The following BANP variants were observed in gnomAD, a reference collection of about 807,000 sequenced individuals.
BANP encodes BTG3 associated nuclear protein.
BANP carries 11 observed loss-of-function variants against 68.1 expected under a neutral mutation model. The ratio of observed to expected loss-of-function variants is 0.16; its 90% confidence interval spans 0.10 to 0.27. The LOEUF (loss-of-function observed/expected upper bound fraction) is 0.27, where lower values mean the gene tolerates loss of function less well. Ranked by LOEUF, BANP falls within the 10% of genes least tolerant of loss-of-function variation. BANP has a pLI of 1.00. For synonymous variants in BANP, 329 were observed against 303.2 expected, an observed-to-expected ratio of 1.09 and a Z score of -0.88; for missense variants, 504 against 722.7, an observed-to-expected ratio of 0.70 and a Z score of 3.47.
At chr16:87,963,946 T>C (rs1291420144) in intron 1 of BANP, among the ~76,000 whole-genome samples, 1 of 152,200 alleles carries the variant, frequency 6.6e-6, no homozygotes, top group Non-Finnish European at 1.5e-5. Flanking sequence ...ATTTTTGAAA[T>C]AGTAATAGCA....
intron 11 of BANP, among the ~76,000 whole-genome samples, chr16:88,060,743 G>C (rs1381486295): frequency 6.6e-6 from 1 of 152,112 alleles, no homozygotes; most frequent in Admixed American, 6.5e-5. Flanking sequence ...CGGGCTCCCC[G>C]ACCTGCCCTT....
upstream of BANP, chr16:87,950,769 G>A (rs189879651): frequency 6.6e-6 from 1 of 152,238 alleles, no homozygotes; most frequent in Non-Finnish European, 1.5e-5. Context: ...GTTACCTATA[G>A]GACTTATCTA....
chr16:88,070,903 C>T (rs1463318651), intron 12 of BANP, among the ~76,000 whole-genome samples: 1 of 152,252 alleles, frequency 6.6e-6, no homozygotes, highest in African/African-American at 2.4e-5. Flanking sequence ...AAAGGCTTGT[C>T]TTCTAGCATT....
At chr16:88,026,134 C>A (rs2076938985) in intron 7 of BANP, among the ~76,000 whole-genome samples, 1 of 152,228 alleles carries the variant, frequency 6.6e-6, no homozygotes, top group South Asian at 2.1e-4. Flanking sequence ...GTGCTGAGAG[C>A]TCTCCGTAGC....
intron 6 of BANP, among the ~76,000 whole-genome samples, chr16:88,011,635 G>T (rs1187887835): frequency 6.6e-6 from 1 of 152,184 alleles, no homozygotes. Flanking sequence ...TGAGGTCTCT[G>T]TAATGTGTAG....
chr16:87,958,834 T>C (rs1000048018), intron 1 of BANP, among the ~76,000 whole-genome samples: 1 of 152,142 alleles, frequency 6.6e-6, no homozygotes, highest in Non-Finnish European at 1.5e-5. Context: ...CAGTAGAAAA[T>C]CCACCAGTGA....
chr16:88,013,404 G>T (rs913699884), intron 6 of BANP, among the ~76,000 whole-genome samples: 4 of 152,036 alleles, frequency 2.6e-5, no homozygotes, highest in Non-Finnish European at 5.9e-5. Flanking sequence ...TTCCTAGACC[G>T]CTGCCCGCAC....
chr16:88,075,087 T>C (rs1599190535), intron 13 of BANP, among the ~76,000 whole-genome samples: 1 of 152,162 alleles, frequency 6.6e-6, no homozygotes, highest in South Asian at 2.1e-4. Context: ...AGCTCACGCC[T>C]GTAATCCCAG....
chr16:87,975,317 C>G (rs2061815116), intron 2 of BANP, 132 bp downstream of exon 2: 1 of 909,184 alleles, frequency 1.1e-6, no homozygotes, highest in South Asian at 1.5e-5. Flanking sequence ...AGTTTGAATC[C>G]TAGAGATGTG....
rs1567767506 is a variant in BANP at position 88,018,630 on chromosome 16, G to A, written c.858G>A (p.Lys286=). ...TCTCGGGGCAGGGCAAGCACGGGAA[G>A]AAGCAGCTGGACCCGCTCACCATCT... The part of the protein sequence containing the change: ...SNLSGQGKHG[K]KQLDPLTIYG... Residue 286 remains lysine, a synonymous_variant, in exon 7 of 14, where the codon AAG becomes AAA. Transcript: ENST00000682872. This position sits in a 1 kb window ranked among gnomAD's most constrained non-coding sequence, Gnocchi z 7.7. The A allele has an allele frequency of 1.3e-5, 20 of 1,573,194 alleles. No individual in the cohort carries two copies. The highest frequency in any genetic ancestry group is 1.9e-5 in the Admixed American group (1 of 53,698).
At chr16:88,040,969 G>A (rs1404252923) in intron 11 of BANP, among the ~76,000 whole-genome samples, 1 of 152,252 alleles carries the variant, frequency 6.6e-6, no homozygotes, top group Non-Finnish European at 1.5e-5. Flanking sequence ...GAATCTGACA[G>A]AGCAGCTAGA....
chr16:88,012,097 G>A (rs540939334), intron 6 of BANP, among the ~76,000 whole-genome samples: 10 of 152,294 alleles, frequency 6.6e-5, no homozygotes, highest in Admixed American at 5.2e-4. Context: ...TGTCTCATGC[G>A]TTCCACATAG....
chr16:88,010,409 C>G (rs1332213552), intron 6 of BANP, among the ~76,000 whole-genome samples: 10 of 152,102 alleles, frequency 6.6e-5, no homozygotes, highest in African/African-American at 2.4e-4. Context: ...CATGGACTTC[C>G]CAGGCAGTAG....
At chr16:87,987,451 C>T (rs892821866) in intron 4 of BANP, among the ~76,000 whole-genome samples, 3 of 151,880 alleles carry the variant, frequency 2.0e-5, no homozygotes, top group African/African-American at 7.3e-5. Flanking sequence ...AGGCTGGGTG[C>T]GATGGCTCAC....
chr16:88,028,823 GCATGATAC>G (rs2077513287), intron 8 of BANP, among the ~76,000 whole-genome samples: 2 of 152,272 alleles, frequency 1.3e-5, no homozygotes, highest in Non-Finnish European at 2.9e-5. Context: ...TATACTTATG[GCATGATAC>G]CATTTTTATT....
At chr16:88,043,085 G>A (rs1292246735) in intron 11 of BANP, among the ~76,000 whole-genome samples, 1 of 152,160 alleles carries the variant, frequency 6.6e-6, no homozygotes, top group African/African-American at 2.4e-5. Flanking sequence ...TCTCAGTCTC[G>A]GGCTTTGTAG....
intron 1 of BANP, among the ~76,000 whole-genome samples, chr16:87,966,504 C>A (rs1476647708): frequency 6.6e-6 from 1 of 152,182 alleles, no homozygotes; most frequent in Non-Finnish European, 1.5e-5. Context: ...CTATTGAAAT[C>A]TTTACTGTTA....
intron 12 of BANP, among the ~76,000 whole-genome samples, chr16:88,067,103 G>A (rs2088877677): frequency 6.6e-6 from 1 of 152,228 alleles, no homozygotes; most frequent in East Asian, 1.9e-4. Flanking sequence ...AGCACGTGGC[G>A]GGATCCTAGG....
At chr16:88,025,090 G>A (rs1365041623) in intron 7 of BANP, among the ~76,000 whole-genome samples, 1 of 152,120 alleles carries the variant, frequency 6.6e-6, no homozygotes, top group East Asian at 1.9e-4. Context: ...TCTTTTTATC[G>A]ACTCGTGCTC....
Sources: allele counts gnomAD v4.1 joint callset (sites outside exome capture counted in the v4.1 genomes callset), GRCh38; gene constraint gnomAD v4.1.1; non-coding constraint Gnocchi (gnomAD v3.1); transcripts MANE v1.5; gene names NCBI Gene and HGNC (gene_info 2026-07-23, HGNC 2026-07-21).